The following ARHGAP24 variants were observed in gnomAD, a reference collection of about 807,000 sequenced individuals.
ARHGAP24 encodes rho GTPase-activating protein 24.
In ARHGAP24, 50 loss-of-function variants were observed where a neutral mutation model predicts 76.4. The observed-to-expected ratio is 0.65, with a 90% CI of 0.52 to 0.83. The LOEUF (loss-of-function observed/expected upper bound fraction) is 0.83, where lower values mean the gene tolerates loss of function less well. ARHGAP24 is among the 40% of genes least tolerant of loss of function. The pLI, the probability that ARHGAP24 is intolerant of heterozygous loss-of-function variation, is 0.00. For synonymous variants in ARHGAP24, 345 were observed against 323.3 expected (o/e 1.07, Z -0.72); for missense variants, 930 against 914.2 (o/e 1.02, Z -0.22).
intron 2 of ARHGAP24, among the ~76,000 whole-genome samples, chr4:85,667,459 G>A (rs1344569123): frequency 6.6e-6 from 1 of 152,190 alleles, no homozygotes; most frequent in Non-Finnish European, 1.5e-5. Flanking sequence ...CCTGAGGGAG[G>A]CAATGCCTTG....
chr4:85,916,667 G>A (rs1388571974), intron 3 of ARHGAP24, among the ~76,000 whole-genome samples: 11 of 152,098 alleles, frequency 7.2e-5, no homozygotes, highest in Non-Finnish European at 1.6e-4. Flanking sequence ...TTTGCAGTTG[G>A]GAATGAGGAA....
At chr4:85,774,305 A>C (rs777451474) in intron 3 of ARHGAP24, among the ~76,000 whole-genome samples, 6 of 152,222 alleles carry the variant, frequency 3.9e-5, no homozygotes, top group Non-Finnish European at 7.3e-5. Flanking sequence ...AGGGCTCTGA[A>C]AGAGTGTGCA....
chr4:85,561,732 T>TA (rs1355401086), intron 1 of ARHGAP24, among the ~76,000 whole-genome samples: 4 of 152,138 alleles, frequency 2.6e-5, no homozygotes, highest in Non-Finnish European at 5.9e-5. Flanking sequence ...TAGGAGGTGT[T>TA]CATGCATTCG....
At chr4:85,624,418 G>C (rs1300552917) in intron 2 of ARHGAP24, among the ~76,000 whole-genome samples, 1 of 152,174 alleles carries the variant, frequency 6.6e-6, no homozygotes, top group African/African-American at 2.4e-5. Context: ...AACCAGCCTT[G>C]CATCCCAGGG....
chr4:85,655,782 T>TAG lies in ARHGAP24; in HGVS notation c.181-66102_181-66101insGA, dbSNP rs1214189915. 3.3e-3 allele frequency among the ~76,000 whole-genome samples: 100 copies of TAG among 30,558 alleles called. 1 individual carries two copies. The highest frequency in any genetic ancestry group is 0.015 in the African/African-American group (90 of 5,868). 20.0% of individuals were successfully genotyped at this position (30,558 alleles called of 152,430 possible). On this transcript the variant is annotated intron_variant, in intron 2 of 9. Transcript: ENST00000395184. Reference sequence around the variant, plus strand: ...GTGAGACTCCATATATATATATATATATATATATATAGAGAGAGAGAGAGA... The same window carrying TAG: ...GTGAGACTCCATATATATATATATATAGATATATATATAGAGAGAGAGAGAGA...
intron 1 of ARHGAP24, among the ~76,000 whole-genome samples, chr4:85,549,978 C>G (rs1726065953): frequency 6.6e-6 from 1 of 152,112 alleles, no homozygotes; most frequent in African/African-American, 2.4e-5. Context: ...ACATATGTAC[C>G]ACATTTTCTT....
chr4:85,884,117 T>C (rs1056756300), intron 3 of ARHGAP24, among the ~76,000 whole-genome samples: 2 of 152,338 alleles, frequency 1.3e-5, no homozygotes, highest in South Asian at 2.1e-4. Flanking sequence ...ACAAAACTTA[T>C]TGCCCATTTC....
At chr4:85,911,422 G>C (rs1735077505) in intron 3 of ARHGAP24, among the ~76,000 whole-genome samples, 1 of 152,132 alleles carries the variant, frequency 6.6e-6, no homozygotes, top group African/African-American at 2.4e-5. Flanking sequence ...CAATGAAAAA[G>C]TCCTGGCAAC....
At chr4:85,927,900 C>T (rs962051108) in intron 4 of ARHGAP24, among the ~76,000 whole-genome samples, 1 of 152,162 alleles carries the variant, frequency 6.6e-6, no homozygotes, top group African/African-American at 2.4e-5. Flanking sequence ...ACCTGAGGAG[C>T]TTGTCTAGTT....
At chr4:85,872,040 T>C (rs1031403753) in intron 3 of ARHGAP24, among the ~76,000 whole-genome samples, 1 of 151,606 alleles carries the variant, frequency 6.6e-6, no homozygotes, top group African/African-American at 2.4e-5. Flanking sequence ...GTCTCACTTA[T>C]CAATGTACCC....
chr4:85,898,333 A>T (rs1734311657), intron 3 of ARHGAP24, among the ~76,000 whole-genome samples: 2 of 152,144 alleles, frequency 1.3e-5, no homozygotes, highest in Non-Finnish European at 2.9e-5. Context: ...ACTGTTAGTC[A>T]ACAGTGGTTT....
chr4:85,541,449 G>A (rs1276253533), intron 1 of ARHGAP24, among the ~76,000 whole-genome samples: 1 of 120,970 alleles, frequency 8.3e-6, no homozygotes, highest in Non-Finnish European at 1.5e-5. Flanking sequence ...CACCGCGCCC[G>A]GCCCATCCAT....
intron 1 of ARHGAP24, among the ~76,000 whole-genome samples, chr4:85,540,375 C>G (rs1725629950): frequency 6.6e-6 from 1 of 152,108 alleles, no homozygotes; most frequent in South Asian, 2.1e-4. Flanking sequence ...TTCTGATGCA[C>G]CTACTAAGAA....
chr4:85,634,478 G>T (rs1721250996), intron 2 of ARHGAP24, among the ~76,000 whole-genome samples: 1 of 151,804 alleles, frequency 6.6e-6, no homozygotes, highest in Non-Finnish European at 1.5e-5. Context: ...TATATTGAAT[G>T]AGTTGTTTTC....
At chr4:85,684,385 A>T (rs1560584479) in intron 2 of ARHGAP24, among the ~76,000 whole-genome samples, 1 of 151,874 alleles carries the variant, frequency 6.6e-6, no homozygotes, top group African/African-American at 2.4e-5. Context: ...TTACATTTTA[A>T]TTTTTTTTAA....
intron 1 of ARHGAP24, among the ~76,000 whole-genome samples, chr4:85,544,869 A>G (rs1373857282): frequency 6.6e-6 from 1 of 151,892 alleles, no homozygotes; most frequent in African/African-American, 2.4e-5. Flanking sequence ...ACAGTTGTTC[A>G]GCTTTTCTTT....
rs76482220 is a variant in ARHGAP24 at position 85,935,657 on chromosome 4, C to A, written c.392-6409C>A. On this transcript the variant is annotated intron_variant, in intron 4 of 9. Transcript: ENST00000395184. ...GTGTGACCTCAGACAGGTCACCTGC[C>A]ATCTTCAAATCTGTTTCCCTGTTTG... Among the ~76,000 whole-genome samples the A allele has an allele frequency of 2.2e-3, 341 of 152,280 alleles. 3 individuals are homozygous for A. Among genetic ancestry groups the A allele is most frequent in the Middle Eastern group, 0.01 (3 of 294 alleles).
intron 3 of ARHGAP24, among the ~76,000 whole-genome samples, chr4:85,797,571 T>A (rs1243142759): frequency 6.6e-6 from 1 of 152,250 alleles, no homozygotes; most frequent in Admixed American, 6.5e-5. Context: ...ATTCAAATGA[T>A]GTTAGCAGGA....
chr4:85,994,557 C>A, intron 8 of ARHGAP24, 26 bp from the exon 9 acceptor site: 1 of 1,604,078 alleles, frequency 6.2e-7, no homozygotes. Flanking sequence ...CTCACTCATG[C>A]TACTTTATGT....
Sources: allele counts gnomAD v4.1 joint callset (sites outside exome capture counted in the v4.1 genomes callset), GRCh38; gene constraint gnomAD v4.1.1; transcripts MANE v1.5; gene names NCBI Gene and HGNC (gene_info 2026-07-23, HGNC 2026-07-21).